RBMS3: variants seen among roughly 807,000 people sequenced by gnomAD.
RBMS3 encodes RNA-binding motif, single-stranded-interacting protein 3.
Under a neutral mutation model 66.8 loss-of-function variants are expected in RBMS3, and 27 were observed. The observed-to-expected ratio is 0.40, with a 90% CI of 0.30 to 0.56. The LOEUF is 0.56. RBMS3 is among the 20% of genes least tolerant of loss of function. RBMS3 has a pLI of 0.40. For missense variants in RBMS3, 513 were observed against 549.5 expected (o/e 0.93, Z 0.66); for synonymous variants, 188 against 183.0 (o/e 1.03, Z -0.22).
intron 4 of RBMS3, among the ~76,000 whole-genome samples, chr3:29,640,568 A>C (rs572456967): frequency 6.6e-6 from 1 of 152,090 alleles, no homozygotes; most frequent in South Asian, 2.1e-4. Flanking sequence ...TTCTTGAAGG[A>C]TGATGTGTTA....
In RBMS3 at chr3:29,628,692, GA is replaced by G. The variant is rs138065429; in HGVS notation, c.399+41493del. Among the ~76,000 whole-genome samples the G allele has an allele frequency of 3.8e-3, 581 of 152,012 alleles. 6 individuals are homozygous for G. Among genetic ancestry groups the G allele is most frequent in the East Asian group, 0.02 (103 of 5,162 alleles). On this transcript the variant is annotated intron_variant, in intron 4 of 14. Coordinates refer to ENST00000383767, the MANE Select transcript of RBMS3 (RefSeq NM_001003793.3). ...CATTATTTCATATAACACAAGAAAA[GA>G]AAAAACATTGTTTTTACGCTGACAG... is the stretch of plus-strand genomic sequence containing the variant.
intron 4 of RBMS3, among the ~76,000 whole-genome samples, chr3:29,707,670 G>C (rs1004283468): frequency 1.3e-5 from 2 of 152,170 alleles, no homozygotes; most frequent in Non-Finnish European, 2.9e-5. Flanking sequence ...GGCCAAGCTA[G>C]ACACAATTCA....
chr3:29,788,217 TGGAAAAAAATGGTAATTAAAAATTTGTAA>T, intron 6 of RBMS3, among the ~76,000 whole-genome samples: 1 of 150,888 alleles, frequency 6.6e-6, no homozygotes, highest in Non-Finnish European at 1.5e-5. Flanking sequence ...TTTTTTTTTT[TGGAAAAAAATGGTAATTAAAAATTTGTAA>T]TTTTAATGGT....
intron 5 of RBMS3, among the ~76,000 whole-genome samples, chr3:29,746,798 A>G (rs2054917487): frequency 6.6e-6 from 1 of 152,244 alleles, no homozygotes; most frequent in African/African-American, 2.4e-5. Context: ...GTCTTGTTGT[A>G]TATATGCCTT....
At chr3:29,480,438 A>G (rs1254022909) in intron 2 of RBMS3, among the ~76,000 whole-genome samples, 1 of 152,204 alleles carries the variant, frequency 6.6e-6, no homozygotes. Context: ...GAGAAGGGGT[A>G]AGTGATGGAG....
chr3:29,741,565 T>A (rs777789533), intron 5 of RBMS3, among the ~76,000 whole-genome samples: 1 of 152,234 alleles, frequency 6.6e-6, no homozygotes. Flanking sequence ...TCATTTGGAC[T>A]CTTGCTGGGA....
intron 7 of RBMS3, among the ~76,000 whole-genome samples, chr3:29,880,012 C>G (rs1335220086): frequency 6.6e-6 from 1 of 152,098 alleles, no homozygotes; most frequent in Non-Finnish European, 1.5e-5. Flanking sequence ...AAATAACTAT[C>G]TCCTAAGTCA....
chr3:29,547,967 A>G (rs2046029559), intron 3 of RBMS3, among the ~76,000 whole-genome samples: 1 of 151,690 alleles, frequency 6.6e-6, no homozygotes, highest in Admixed American at 6.6e-5. Flanking sequence ...GCTAATTATT[A>G]TATTATTAGT....
At chr3:29,425,709 C>A (rs1159324677) in intron 1 of RBMS3, among the ~76,000 whole-genome samples, 1 of 152,108 alleles carries the variant, frequency 6.6e-6, no homozygotes, top group Non-Finnish European at 1.5e-5. Flanking sequence ...GCAAATATAT[C>A]TTTCTTATTA....
At position 29,753,739 on chromosome 3, in the gene RBMS3, T is replaced by TAATC. The variant is rs1054822010; in HGVS notation, c.558-9169_558-9166dup. Among the ~76,000 whole-genome samples, 4 of 152,272 alleles carry TAATC rather than the reference T, an allele frequency of 2.6e-5. No homozygotes were observed. In the South Asian group the frequency reaches 8.3e-4, roughly 32 times the overall value. ...TCAGTTATGGAAGTACGATTGCCCA[T>TAATC]AATCATATTTCCTTTTTGAATGATA... On this transcript the variant is annotated intron_variant, in intron 5 of 14. Coordinates refer to ENST00000383767, the MANE Select transcript of RBMS3 (RefSeq NM_001003793.3).
At chr3:29,332,745 T>C (rs1184222917) in intron 1 of RBMS3, among the ~76,000 whole-genome samples, 1 of 152,216 alleles carries the variant, frequency 6.6e-6, no homozygotes, top group East Asian at 1.9e-4. Flanking sequence ...CAGATGAATC[T>C]GGCACTATAT....
intron 3 of RBMS3, among the ~76,000 whole-genome samples, chr3:29,518,676 A>AT: frequency 6.6e-6 from 1 of 152,156 alleles, no homozygotes. Flanking sequence ...TTCTTTATTC[A>AT]TTTTTTAAAT....
intron 1 of RBMS3, among the ~76,000 whole-genome samples, chr3:29,431,169 C>T (rs748398490): frequency 3.3e-5 from 5 of 151,964 alleles, no homozygotes; most frequent in African/African-American, 1.2e-4. Flanking sequence ...AATCCAAATA[C>T]CAGGAAAAGA....
At chr3:29,905,443 T>A (rs1024354826) in intron 10 of RBMS3, among the ~76,000 whole-genome samples, 1 of 152,058 alleles carries the variant, frequency 6.6e-6, no homozygotes, top group African/African-American at 2.4e-5. Context: ...TTTTTGATTT[T>A]TTTTCCCCCA....
intron 1 of RBMS3, among the ~76,000 whole-genome samples, chr3:29,372,138 CAGTT>C (rs10616587): frequency 0.085 from 12,979 of 151,990 alleles, 919 homozygotes; most frequent in African/African-American, 0.18. Context: ...AGGTGTGAAA[CAGTT>C]AAGTAAGAAA....
rs187922847 is a variant in RBMS3, at chr3:29,906,177, C to T, written c.939+6422C>T. Among the ~76,000 whole-genome samples the T allele has an allele frequency of 2.4e-3, 367 of 152,114 alleles. 1 individual carries two copies. The highest frequency in any genetic ancestry group is 3.8e-3 in the Non-Finnish European group (259 of 67,994). On this transcript the variant is annotated intron_variant, in intron 10 of 14. Coordinates refer to ENST00000383767, the MANE Select transcript of RBMS3 (RefSeq NM_001003793.3). The stretch of plus-strand genomic sequence containing the variant: ...TATACATTGCTTAATGTTTTCCTGG[C>T]ATCTTAGTATTTTTGTTATTATATG...
At chr3:29,602,354 C>T (rs1374229564) in intron 4 of RBMS3, among the ~76,000 whole-genome samples, 1 of 151,942 alleles carries the variant, frequency 6.6e-6, no homozygotes, top group African/African-American at 2.4e-5. Context: ...TTTGCTGGGA[C>T]ACAGGAAACC....
intron 6 of RBMS3, among the ~76,000 whole-genome samples, chr3:29,864,722 A>T (rs75712178): frequency 0.016 from 2,483 of 151,212 alleles, 63 homozygotes; most frequent in African/African-American, 0.058. Context: ...TACATTCTTT[A>T]AAAAAAACTT....
intron 3 of RBMS3, among the ~76,000 whole-genome samples, chr3:29,534,773 T>C (rs947721254): frequency 6.6e-6 from 1 of 152,194 alleles, no homozygotes; most frequent in African/African-American, 2.4e-5. Flanking sequence ...TCAAGTTCAG[T>C]TCTATAGCTT....
Sources: gnomAD v4.1 joint callset for allele counts (sites outside exome capture counted in the v4.1 genomes callset) on GRCh38, gnomAD v4.1.1 for gene constraint, MANE v1.5 for transcripts, NCBI Gene and HGNC (gene_info 2026-07-23, HGNC 2026-07-21) for gene names.